PHIP: variants seen among roughly 807,000 people sequenced by gnomAD.
PHIP encodes PHIP subunit of CUL4-Ring ligase complex, also known as PH-interacting protein.
Under a neutral mutation model 236.8 loss-of-function variants are expected in PHIP, and 54 were observed. The observed-to-expected ratio is 0.23, with a 90% CI of 0.18 to 0.29. The LOEUF (loss-of-function observed/expected upper bound fraction) is 0.29. Among genes scored for constraint, PHIP ranks in the 10% least tolerant of loss-of-function variants. The probability of loss-of-function intolerance (pLI) is 1.00; values close to 1 mark genes in which losing one functional copy is unlikely to be tolerated. For synonymous variants in PHIP, 756 were observed against 718.9 expected, an observed-to-expected ratio of 1.05 and a Z score of -0.83; for missense variants, 1,370 against 2,190.8, an observed-to-expected ratio of 0.63 and a Z score of 7.48.
chr6:78,950,069 C>T (rs1774059923), intron 35 of PHIP, among the ~76,000 whole-genome samples: 1 of 152,024 alleles, frequency 6.6e-6, no homozygotes, highest in Non-Finnish European at 1.5e-5. Flanking sequence ...TTACCATAAC[C>T]AAAATACACA....
At chr6:79,021,811 T>C (rs1047067520) in intron 9 of PHIP, among the ~76,000 whole-genome samples, 1 of 152,132 alleles carries the variant, frequency 6.6e-6, no homozygotes, top group African/African-American at 2.4e-5. Context: ...TAGTATTTGA[T>C]AGCACAACAG....
chr6:79,035,116 G>A (rs1771865057), intron 7 of PHIP, among the ~76,000 whole-genome samples: 1 of 152,072 alleles, frequency 6.6e-6, no homozygotes. Context: ...ATCATAATGA[G>A]TTAACTGTGC....
At chr6:78,971,307 TGG>T (rs1767532384) in intron 24 of PHIP, among the ~76,000 whole-genome samples, 3 of 152,250 alleles carry the variant, frequency 2.0e-5, no homozygotes, top group Admixed American at 2.0e-4. Context: ...ACACAAATCC[TGG>T]TAAGACAGCA....
intron 7 of PHIP, among the ~76,000 whole-genome samples, chr6:79,030,908 C>A (rs1473161946): frequency 1.3e-5 from 2 of 151,864 alleles, no homozygotes; most frequent in Non-Finnish European, 2.9e-5. Flanking sequence ...AGTAGTAAAT[C>A]ACTTGTTTCA....
intron 24 of PHIP, among the ~76,000 whole-genome samples, chr6:78,972,538 G>A (rs1767664913): frequency 6.6e-6 from 1 of 152,238 alleles, no homozygotes; most frequent in Non-Finnish European, 1.5e-5. Flanking sequence ...GAATGACTTT[G>A]ATGAGCTGAG....
intron 27 of PHIP, among the ~76,000 whole-genome samples, chr6:78,967,504 A>AC (rs1305298398): frequency 6.6e-6 from 1 of 152,218 alleles, no homozygotes. Context: ...ACTGAAGTCC[A>AC]CCATTGAGAG....
At chr6:79,076,329 A>T (rs1437472430) in intron 4 of PHIP, among the ~76,000 whole-genome samples, 1 of 152,224 alleles carries the variant, frequency 6.6e-6, no homozygotes, top group Non-Finnish European at 1.5e-5. Context: ...TAACATTAGT[A>T]ATCATAACTA....
chr6:79,029,776 C>A (rs1005750170), intron 7 of PHIP, among the ~76,000 whole-genome samples: 24 of 152,128 alleles, frequency 1.6e-4, no homozygotes, highest in African/African-American at 5.6e-4. Context: ...GTAATCCACC[C>A]ACCTTGGCCT....
chr6:78,951,791 C>A (rs1774166828), intron 35 of PHIP, among the ~76,000 whole-genome samples: 1 of 152,154 alleles, frequency 6.6e-6, no homozygotes, highest in Non-Finnish European at 1.5e-5. Context: ...TATAAAAATT[C>A]ATTTGCCTAT....
chr6:79,035,310 A>G (rs1201393949), intron 7 of PHIP, among the ~76,000 whole-genome samples: 1 of 152,170 alleles, frequency 6.6e-6, no homozygotes, highest in African/African-American at 2.4e-5. Flanking sequence ...CTTTTCTCAA[A>G]AACCCAGTGT....
At chr6:78,998,122 C>A in intron 18 of PHIP, 132 bp downstream of exon 18, 1 of 644,944 alleles carries the variant, frequency 1.6e-6, no homozygotes, top group Non-Finnish European at 2.7e-6. Context: ...TCTTCAAAAC[C>A]ATGATCATTT....
In PHIP at chr6:78,990,904, A is replaced by G. The variant is rs1433557117; in HGVS notation, c.2283T>C (p.Thr761=). The G allele has an allele frequency of 1.4e-5, 22 of 1,603,882 alleles. No homozygotes were observed. Among genetic ancestry groups the G allele is most frequent in the Non-Finnish European group, 1.8e-5 (21 of 1,171,428 alleles). The change falls in exon 20 of 40, where the codon ACT becomes ACC. Residue 761 remains threonine, a synonymous_variant. Transcript: ENST00000275034. ...TGGGTATTTTATTCTCTTTTGGAACAGTTAAGTGTTTTCTTTTCTCTTCTG... is the reference window on the plus strand; with the variant it reads ...TGGGTATTTTATTCTCTTTTGGAACGGTTAAGTGTTTTCTTTTCTCTTCTG... ...YRSEEKRKHL[T]VPKENKIPTV...
intron 9 of PHIP, among the ~76,000 whole-genome samples, chr6:79,019,772 A>G (rs9350800): frequency 6.6e-6 from 1 of 151,918 alleles, no homozygotes; most frequent in Admixed American, 6.6e-5. Context: ...AACAGGTTAC[A>G]CACAGCTGTA....
In PHIP at chr6:79,017,466, T is replaced by G; in HGVS notation, c.1095+17A>C. On this transcript the variant is annotated intron_variant, in intron 11 of 39. Transcript: ENST00000275034. Reference sequence around the variant, plus strand: ...CACATAAATTATACTCATCTAATTCTTTTCACCAATACTTACAGTATGAAA... The same window carrying G: ...CACATAAATTATACTCATCTAATTCGTTTCACCAATACTTACAGTATGAAA... 1 of 1,592,800 alleles carries G rather than the reference T, an allele frequency of 6.3e-7. No homozygotes were observed. The highest frequency in any genetic ancestry group is 8.6e-7 in the Non-Finnish European group (1 of 1,161,556).
chr6:78,977,318 T>C (rs537173076), intron 24 of PHIP, among the ~76,000 whole-genome samples: 1,721 of 151,764 alleles, frequency 0.011, 31 homozygotes, highest in African/African-American at 0.039. Context: ...TAGGTGGGAA[T>C]TGAACAATGA....
At position 79,017,105 on chromosome 6, in the gene PHIP, G is replaced by A. The variant is rs183071828; in HGVS notation, c.1136+241C>T. 2.0e-3 allele frequency among the ~76,000 whole-genome samples: 300 copies of A among 151,882 alleles called. 1 individual carries two copies. The highest frequency in any genetic ancestry group is 2.2e-3 in the Non-Finnish European group (148 of 67,834). ...TTCTCTACATTTTGAAACATATCTG[G>A]AATATATAGGGTGATTTAAAAAGCA... On this transcript the variant is annotated intron_variant, in intron 12 of 39. Transcript: ENST00000275034.
chr6:79,051,920 G>GTT (rs66570011), intron 6 of PHIP, among the ~76,000 whole-genome samples: 5 of 151,240 alleles, frequency 3.3e-5, no homozygotes, highest in Non-Finnish European at 7.4e-5. Flanking sequence ...AAGTTAGGTG[G>GTT]TTTTTTTTAA....
chr6:79,027,159 G>A (rs1338224800), intron 7 of PHIP, among the ~76,000 whole-genome samples: 1 of 152,028 alleles, frequency 6.6e-6, no homozygotes, highest in Non-Finnish European at 1.5e-5. Context: ...GCATCATAGT[G>A]ACAATAAATA....
At chr6:79,038,757 A>G (rs913263440) in intron 7 of PHIP, among the ~76,000 whole-genome samples, 2 of 152,236 alleles carry the variant, frequency 1.3e-5, no homozygotes, top group Admixed American at 1.3e-4. Flanking sequence ...CCTAAACTAA[A>G]TCTTCTCACC....
Sources: gnomAD v4.1 joint callset for allele counts (sites outside exome capture counted in the v4.1 genomes callset) on GRCh38, gnomAD v4.1.1 for gene constraint, MANE v1.5 for transcripts, NCBI Gene and HGNC (gene_info 2026-07-23, HGNC 2026-07-21) for gene names.